Variants in ST6GALNAC3 observed in about 807,000 individuals in gnomAD.
ST6GALNAC3 encodes ST6 N-acetylgalactosaminide alpha-2,6-sialyltransferase 3.
A neutral mutation model predicts 32.7 loss-of-function variants in ST6GALNAC3; 25 were observed. The observed-to-expected ratio is 0.76, with a 90% CI of 0.56 to 1.07. The LOEUF is 1.07. Among genes scored for constraint, ST6GALNAC3 ranks in the 50% least tolerant of loss-of-function variants. The pLI, the probability that ST6GALNAC3 is intolerant of heterozygous loss-of-function variation, is 0.00. For missense variants in ST6GALNAC3, 355 were observed against 382.4 expected (o/e 0.93, Z 0.60); for synonymous variants, 129 against 133.1 (o/e 0.97, Z 0.21).
intron 1 of ST6GALNAC3, among the ~76,000 whole-genome samples, chr1:76,147,907 C>G (rs905387013): frequency 6.6e-6 from 1 of 152,176 alleles, no homozygotes; most frequent in African/African-American, 2.4e-5. Flanking sequence ...TTCCAAGGAG[C>G]CTTCTGTATT....
intron 3 of ST6GALNAC3, among the ~76,000 whole-genome samples, chr1:76,426,869 C>A (rs749985035): frequency 6.6e-6 from 1 of 151,880 alleles, no homozygotes; most frequent in Non-Finnish European, 1.5e-5. Context: ...AGACCATGGT[C>A]ATATATGCGG....
intron 3 of ST6GALNAC3, among the ~76,000 whole-genome samples, chr1:76,436,922 C>A (rs557656460): frequency 1.3e-5 from 2 of 152,022 alleles, no homozygotes; most frequent in African/African-American, 4.8e-5. Context: ...GGAAATGAAC[C>A]TTGGCATATC....
At chr1:76,309,618 C>T (rs577071300) in intron 1 of ST6GALNAC3, among the ~76,000 whole-genome samples, 2 of 152,196 alleles carry the variant, frequency 1.3e-5, no homozygotes, top group South Asian at 4.1e-4. Context: ...TGAAGGTATG[C>T]CTTTTCTAGT....
intron 3 of ST6GALNAC3, among the ~76,000 whole-genome samples, chr1:76,493,042 T>C (rs932290399): frequency 5.9e-5 from 9 of 152,032 alleles, no homozygotes; most frequent in South Asian, 2.1e-4. Flanking sequence ...TTTTTTTTTT[T>C]TTCTTATTTT....
rs77426388 is a variant in ST6GALNAC3 at position 76,573,859 on chromosome 1, G to C, written c.624-53593G>C. 5.7e-3 allele frequency among the ~76,000 whole-genome samples: 804 copies of C among 140,172 alleles called. 7 individuals carry two copies. Among genetic ancestry groups the C allele is most frequent in the African/African-American group, 0.019 (753 of 39,092 alleles). 92.0% of individuals were successfully genotyped at this position (140,172 alleles called of 152,430 possible). A position where few individuals can be genotyped will look rare whatever the true frequency, so the allele number is the denominator to read the frequency against. On this transcript the variant is annotated intron_variant, in intron 3 of 4. Transcript: ENST00000328299. Reference sequence around the variant, plus strand: ...TGGTCTGGTTCTTTGGGTCCTTGGAGCCAGTGTGGGTAGGAGTGGGGTTGG... The same window carrying C: ...TGGTCTGGTTCTTTGGGTCCTTGGACCCAGTGTGGGTAGGAGTGGGGTTGG...
chr1:76,542,028 T>C (rs1162656610), intron 3 of ST6GALNAC3, among the ~76,000 whole-genome samples: 2 of 152,162 alleles, frequency 1.3e-5, no homozygotes, highest in Admixed American at 6.5e-5. Flanking sequence ...ACTATTACAA[T>C]CACAGAAGTA....
chr1:76,295,288 C>G (rs1202932172), intron 1 of ST6GALNAC3, among the ~76,000 whole-genome samples: 1 of 152,098 alleles, frequency 6.6e-6, no homozygotes, highest in African/African-American at 2.4e-5. Flanking sequence ...TAAGGTGTTA[C>G]TAGCATGGCC....
chr1:76,448,625 G>C (rs1249974978), intron 3 of ST6GALNAC3, among the ~76,000 whole-genome samples: 2 of 152,094 alleles, frequency 1.3e-5, no homozygotes, highest in Admixed American at 6.5e-5. Context: ...GTGGGAGCAT[G>C]GTTTCCCATG....
At chr1:76,564,731 G>A (rs897465930) in intron 3 of ST6GALNAC3, among the ~76,000 whole-genome samples, 2 of 151,804 alleles carry the variant, frequency 1.3e-5, no homozygotes, top group Admixed American at 6.6e-5. Flanking sequence ...GACTATAGGC[G>A]CCCACCACCA....
chr1:76,579,551 A>G (rs1646861866), intron 3 of ST6GALNAC3, among the ~76,000 whole-genome samples: 2 of 152,080 alleles, frequency 1.3e-5, no homozygotes, highest in Non-Finnish European at 2.9e-5. Flanking sequence ...AATAAAATAC[A>G]TACATTGCTT....
intron 2 of ST6GALNAC3, among the ~76,000 whole-genome samples, chr1:76,341,787 G>A (rs914740944): frequency 6.6e-6 from 1 of 151,056 alleles, no homozygotes; most frequent in African/African-American, 2.4e-5. Flanking sequence ...GTATACATGG[G>A]CCATGATGGT....
At chr1:76,337,447 C>A (rs1266712762) in intron 2 of ST6GALNAC3, among the ~76,000 whole-genome samples, 1 of 152,194 alleles carries the variant, frequency 6.6e-6, no homozygotes, top group African/African-American at 2.4e-5. Context: ...AGCAAACAAA[C>A]TTCTGTGTGT....
chr1:76,295,322 A>T (rs945593427), intron 1 of ST6GALNAC3, among the ~76,000 whole-genome samples: 3 of 152,106 alleles, frequency 2.0e-5, no homozygotes, highest in Admixed American at 6.5e-5. Flanking sequence ...AACTCTCAGA[A>T]TGTCTACCAA....
At position 76,320,985 on chromosome 1, in the gene ST6GALNAC3, T is replaced by TTATATA. The variant is rs147021451; in HGVS notation, c.213+6999_213+7004dup. Among the ~76,000 whole-genome samples, 948 of 145,046 alleles carry TTATATA rather than the reference T, an allele frequency of 6.5e-3. 6 individuals are homozygous for TTATATA. Among genetic ancestry groups the TTATATA allele is most frequent in the African/African-American group, 0.023 (904 of 39,250 alleles). On this transcript the variant is annotated intron_variant, in intron 2 of 4. Coordinates refer to ENST00000328299, the MANE Select transcript of ST6GALNAC3 (RefSeq NM_152996.4). Reference sequence around the variant, plus strand: ...ATATACACACACACACACACACACATTATATATATATATATATAGTCAGGT... The same window carrying TTATATA: ...ATATACACACACACACACACACACATTATATATATATATATATATATATAGTCAGGT...
At chr1:76,321,466 G>A (rs1646965215) in intron 2 of ST6GALNAC3, among the ~76,000 whole-genome samples, 1 of 152,108 alleles carries the variant, frequency 6.6e-6, no homozygotes. Flanking sequence ...ACTTTTGCTG[G>A]TTTGAACTGT....
Position 76,320,377 on chromosome 1 carries a change from C to T in ST6GALNAC3, c.213+6378C>T, listed in dbSNP as rs145292287. On this transcript the variant is annotated intron_variant, in intron 2 of 4. Coordinates refer to ENST00000328299, the MANE Select transcript of ST6GALNAC3 (RefSeq NM_152996.4). Reference sequence around the variant, plus strand: ...TGGATTCAATACCTTTAGTCCTAATCGTGTGGCTCTTCTTTTTGTTTGGCT... The same window carrying T: ...TGGATTCAATACCTTTAGTCCTAATTGTGTGGCTCTTCTTTTTGTTTGGCT... 2.9e-3 allele frequency among the ~76,000 whole-genome samples: 436 copies of T among 152,230 alleles called. 2 individuals are homozygous for T. The highest frequency in any genetic ancestry group is 5.2e-3 in the Non-Finnish European group (351 of 68,002).
intron 2 of ST6GALNAC3, among the ~76,000 whole-genome samples, chr1:76,401,055 T>C (rs1653376321): frequency 6.6e-6 from 1 of 152,192 alleles, no homozygotes; most frequent in Non-Finnish European, 1.5e-5. Flanking sequence ...TTTATTTTAC[T>C]TGAGAGTAAT....
chr1:76,156,907 C>A (rs1016441378), intron 1 of ST6GALNAC3, among the ~76,000 whole-genome samples: 18 of 152,250 alleles, frequency 1.2e-4, no homozygotes, highest in Admixed American at 5.9e-4. Flanking sequence ...AATTTTTTGT[C>A]TTTTTAGTAC....
chr1:76,355,571 T>C lies in ST6GALNAC3; in HGVS notation c.213+41572T>C, dbSNP rs78209755. On this transcript the variant is annotated intron_variant, in intron 2 of 4. Coordinates refer to ENST00000328299, the MANE Select transcript of ST6GALNAC3 (RefSeq NM_152996.4). ...CAATTATAAAAAGTAGCATCTGTAA[T>C]GTGAATTTGGCCCACTCTGTATCAG... is the stretch of plus-strand genomic sequence containing the variant. Among the ~76,000 whole-genome samples, 359 of 152,332 alleles carry C rather than the reference T, an allele frequency of 2.4e-3. 2 individuals carry two copies. The highest frequency in any genetic ancestry group is 8.3e-3 in the African/African-American group (344 of 41,582).
Sources: allele counts gnomAD v4.1 joint callset (sites outside exome capture counted in the v4.1 genomes callset), GRCh38; gene constraint gnomAD v4.1.1; transcripts MANE v1.5; gene names NCBI Gene and HGNC (gene_info 2026-07-23, HGNC 2026-07-21).